PRKCQ: variants seen among roughly 807,000 people sequenced by gnomAD.
PRKCQ encodes protein kinase C theta type.
A neutral mutation model predicts 91.2 loss-of-function variants in PRKCQ; 41 were observed. That is an observed-to-expected ratio of 0.45 (90% CI 0.35 to 0.58). PRKCQ has a LOEUF of 0.58. PRKCQ is among the 20% of genes least tolerant of loss of function. PRKCQ has a pLI of 0.00. For synonymous variants in PRKCQ, 307 were observed against 316.9 expected (o/e 0.97, Z 0.33); for missense variants, 673 against 896.5 (o/e 0.75, Z 3.18).
intron 12 of PRKCQ, among the ~76,000 whole-genome samples, chr10:6,472,006 CT>C (rs779532080): frequency 6.6e-6 from 1 of 151,994 alleles, no homozygotes; most frequent in Non-Finnish European, 1.5e-5. Flanking sequence ...GATCTGTGAG[CT>C]TAAAAAGTGG....
At chr10:6,475,889 T>G (rs976583181) in intron 12 of PRKCQ, among the ~76,000 whole-genome samples, 2 of 152,234 alleles carry the variant, frequency 1.3e-5, no homozygotes, top group African/African-American at 4.8e-5. Flanking sequence ...CTAAAAGGAC[T>G]CAGTTCCTTG....
At position 6,565,793 on chromosome 10, in the gene PRKCQ, T is replaced by C. The variant is rs150630563; in HGVS notation, c.-10+14418A>G. On this transcript the variant is annotated intron_variant, in intron 1 of 17. Transcript: ENST00000263125. ...TGGAATTATGCAAGTTACTTCCCAC[T>C]GAATTACGTTCCTCAAAAGTAATTG... Among the ~76,000 whole-genome samples the C allele has an allele frequency of 1.8e-3, 279 of 152,352 alleles. 2 individuals carry two copies. The highest frequency in any genetic ancestry group is 6.4e-3 in the African/African-American group (265 of 41,574).
intron 1 of PRKCQ, among the ~76,000 whole-genome samples, chr10:6,561,166 T>C (rs1049340854): frequency 6.6e-6 from 1 of 150,968 alleles, no homozygotes; most frequent in Non-Finnish European, 1.5e-5. Context: ...AGTCCAAGGG[T>C]TTGAGGCTAG....
chr10:6,498,398 G>A lies in PRKCQ; in HGVS notation c.540C>T (p.Val180=). The change falls in exon 5 of 18, where the codon GTC becomes GTT. Residue 180 remains valine (V), a splice_region_variant and synonymous_variant. Coordinates refer to ENST00000263125, the MANE Select transcript of PRKCQ (RefSeq NM_006257.5). ...PTFCSVCHEF[V]WGLNKQGYQC... ...AGGGAGATGCCAAGTTACTGTACCA[G>A]ACAAACTCGTGGCAGACAGAGCAAA... 1 of 1,614,108 alleles carries A rather than the reference G, an allele frequency of 6.2e-7. No homozygotes were observed. The highest frequency in any genetic ancestry group is 1.1e-5 in the South Asian group (1 of 91,082).
chr10:6,440,072 C>T (rs2132254395), intron 16 of PRKCQ, among the ~76,000 whole-genome samples: 1 of 152,310 alleles, frequency 6.6e-6, no homozygotes, highest in South Asian at 2.1e-4. Context: ...TCATAAGGGG[C>T]TTCCCCCTTC....
chr10:6,403,654 T>C, the PRKCQ span, among the ~76,000 whole-genome samples: 4 of 152,298 alleles, frequency 2.6e-5, no homozygotes, highest in African/African-American at 9.6e-5. Context: ...TGTCAGACCA[T>C]TTTAATCTAC....
chr10:6,472,421 A>G (rs1836032077), intron 12 of PRKCQ, among the ~76,000 whole-genome samples: 1 of 152,258 alleles, frequency 6.6e-6, no homozygotes, highest in Non-Finnish European at 1.5e-5. Flanking sequence ...GTATTCACTC[A>G]TTGCCCGTTA....
rs758517186 is a variant in PRKCQ at position 6,511,040 on chromosome 10, C to T, written c.273G>A (p.Ser91=). The T allele has an allele frequency of 2.0e-5, 32 of 1,614,112 alleles. No homozygotes were observed. The highest frequency in any genetic ancestry group is 1.1e-4 in the South Asian group (10 of 91,080). ...LISETTVELY[S]LAERCRKNNG... Reference sequence around the variant, plus strand: ...TGTTCTTCCTGCACCTCTCAGCCAGCGAGTAGAGCTCCACGGTGGTTTCAG... The same window carrying T: ...TGTTCTTCCTGCACCTCTCAGCCAGTGAGTAGAGCTCCACGGTGGTTTCAG... The change falls in exon 3 of 18, where the codon TCG becomes TCA. Residue 91 remains serine, a synonymous_variant. Coordinates refer to ENST00000263125, the MANE Select transcript of PRKCQ (RefSeq NM_006257.5).
intron 16 of PRKCQ, among the ~76,000 whole-genome samples, chr10:6,437,403 G>A (rs1361015943): frequency 6.6e-6 from 1 of 152,154 alleles, no homozygotes; most frequent in African/African-American, 2.4e-5. Flanking sequence ...TCCTCATCAG[G>A]AACTGACACT....
intron 15 of PRKCQ, among the ~76,000 whole-genome samples, chr10:6,455,519 T>C (rs1834957448): frequency 6.6e-6 from 1 of 152,356 alleles, no homozygotes; most frequent in South Asian, 2.1e-4. Flanking sequence ...TGAATAATTT[T>C]ACCCAGGAAA....
At chr10:6,410,260 GTTC>G in the PRKCQ span, among the ~76,000 whole-genome samples, 986 of 152,262 alleles carry the variant, frequency 6.5e-3, 5 homozygotes, top group Non-Finnish European at 9.5e-3. Flanking sequence ...TTTGCAATTT[GTTC>G]TTCTTAAGGG....
At chr10:6,517,106 T>G (rs1838794681) in intron 1 of PRKCQ, among the ~76,000 whole-genome samples, 1 of 152,108 alleles carries the variant, frequency 6.6e-6, no homozygotes, top group South Asian at 2.1e-4. Context: ...CACACATCAT[T>G]CAATAGAACC....
At chr10:6,525,084 AACAACTAATG>A (rs1466290021) in intron 1 of PRKCQ, among the ~76,000 whole-genome samples, 1 of 152,138 alleles carries the variant, frequency 6.6e-6, no homozygotes, top group Non-Finnish European at 1.5e-5. Flanking sequence ...TCAGAGTCCC[AACAACTAATG>A]ACTTTAAAAT....
At chr10:6,457,154 T>C (rs1835054627) in intron 14 of PRKCQ, among the ~76,000 whole-genome samples, 1 of 152,236 alleles carries the variant, frequency 6.6e-6, no homozygotes, top group Non-Finnish European at 1.5e-5. Context: ...TATGCCATTT[T>C]CTACATATTT....
chr10:6,486,432 C>T (rs576576201), intron 8 of PRKCQ, among the ~76,000 whole-genome samples: 2 of 152,210 alleles, frequency 1.3e-5, no homozygotes, highest in Admixed American at 6.5e-5. Context: ...TGCCCACCTG[C>T]GTGCCATGTC....
At chr10:6,489,013 G>T (rs1444448460) in intron 8 of PRKCQ, among the ~76,000 whole-genome samples, 1 of 152,166 alleles carries the variant, frequency 6.6e-6, no homozygotes, top group Non-Finnish European at 1.5e-5. Flanking sequence ...AAACTCCTGG[G>T]CTCAAGCCAT....
intron 8 of PRKCQ, among the ~76,000 whole-genome samples, chr10:6,486,885 G>C (rs1443196121): frequency 1.3e-5 from 2 of 152,198 alleles, no homozygotes; most frequent in Non-Finnish European, 2.9e-5. Flanking sequence ...TGGAGCCGGA[G>C]TGTATATGTG....
chr10:6,413,637 GCA>G, the PRKCQ span, among the ~76,000 whole-genome samples: 4 of 57,932 alleles, frequency 6.9e-5, no homozygotes, highest in African/African-American at 1.9e-4. Context: ...TGCCACTTGT[GCA>G]CACACACACA....
chr10:6,553,311 A>C (rs762977321), intron 1 of PRKCQ, among the ~76,000 whole-genome samples: 12 of 151,938 alleles, frequency 7.9e-5, no homozygotes, highest in Non-Finnish European at 1.3e-4. Context: ...GCAACATAGC[A>C]AAATCCTGCC....
Sources: allele counts gnomAD v4.1 joint callset (sites outside exome capture counted in the v4.1 genomes callset), GRCh38; gene constraint gnomAD v4.1.1; transcripts MANE v1.5; gene names NCBI Gene and HGNC (gene_info 2026-07-23, HGNC 2026-07-21).